Variants in OSBPL9 observed in about 807,000 individuals in gnomAD.
The protein encoded by OSBPL9 is oxysterol binding protein like 9.
OSBPL9 carries 40 observed loss-of-function variants against 106.6 expected under a neutral mutation model. That is an observed-to-expected ratio of 0.38 (90% CI 0.29 to 0.49). The LOEUF (loss-of-function observed/expected upper bound fraction) is 0.49, where lower values mean the gene tolerates loss of function less well. Among genes scored for constraint, OSBPL9 ranks in the 20% least tolerant of loss-of-function variants. OSBPL9 has a pLI of 0.97. For synonymous variants in OSBPL9, 269 were observed against 295.4 expected (o/e 0.91, Z 0.92); for missense variants, 609 against 887.2 (o/e 0.69, Z 3.98).
intron 2 of OSBPL9, among the ~76,000 whole-genome samples, chr1:51,652,243 C>G (rs192274759): frequency 6.6e-6 from 1 of 152,146 alleles, no homozygotes; most frequent in African/African-American, 2.4e-5. Flanking sequence ...TATTTTGGCC[C>G]ATGATTCAAT....
chr1:51,707,381 C>T (rs761428259), intron 3 of OSBPL9: 42 of 177,352 alleles, frequency 2.4e-4, no homozygotes, highest in South Asian at 5.7e-4. Flanking sequence ...TTAATGTCAT[C>T]GTATTTGGCA....
At chr1:51,596,951 C>T (rs1270011317) in intron 1 of OSBPL9, among the ~76,000 whole-genome samples, 3 of 152,082 alleles carry the variant, frequency 2.0e-5, no homozygotes, top group Non-Finnish European at 4.4e-5. Context: ...TAAAACAAGG[C>T]AATGACTTAG....
intron 1 of OSBPL9, among the ~76,000 whole-genome samples, chr1:51,621,181 G>A (rs1644409249): frequency 6.6e-6 from 1 of 152,178 alleles, no homozygotes. Flanking sequence ...TTTTAGAGCA[G>A]ATCCCAGATT....
the OSBPL9 span, among the ~76,000 whole-genome samples, chr1:51,551,108 G>A: frequency 6.6e-6 from 1 of 152,170 alleles, no homozygotes; most frequent in Non-Finnish European, 1.5e-5. Context: ...AGCAAAGGGA[G>A]CGGGATGGAA....
At chr1:51,546,499 C>T in the OSBPL9 span, among the ~76,000 whole-genome samples, 2 of 151,822 alleles carry the variant, frequency 1.3e-5, no homozygotes, top group Non-Finnish European at 2.9e-5. Context: ...AGATCGAGAC[C>T]ATCCTGGCTA....
rs1390843307 is a variant in OSBPL9 at position 51,788,900 on chromosome 1, T to C, written c.*1111T>C. On this transcript the variant is annotated 3_prime_UTR_variant, in exon 24 of 24. Coordinates refer to ENST00000428468, the MANE Select transcript of OSBPL9 (RefSeq NM_024586.6). ...AATACATTAAAAAAACAGGTATTAG[T>C]ACCTAGCATTTAGTTAGTTATTCAA... Among the ~76,000 whole-genome samples, 2 of 141,434 alleles carry C rather than the reference T, an allele frequency of 1.4e-5. No individual in the cohort carries two copies. Among genetic ancestry groups the C allele is most frequent in the African/African-American group, 5.9e-5 (2 of 33,622 alleles). The allele number at this position is 141,434 out of a possible 152,430, so 92.8% of individuals were successfully genotyped here. A position where few individuals can be genotyped will look rare whatever the true frequency, so the allele number is the denominator to read the frequency against.
chr1:51,708,909 T>G (rs1326598966), intron 3 of OSBPL9, among the ~76,000 whole-genome samples: 4 of 152,228 alleles, frequency 2.6e-5, no homozygotes, highest in African/African-American at 9.6e-5. Flanking sequence ...CCATTTTCCC[T>G]TTTCCAATCT....
chr1:51,563,393 A>G, the OSBPL9 span, among the ~76,000 whole-genome samples: 390 of 152,254 alleles, frequency 2.6e-3, 1 homozygote, highest in Non-Finnish European at 4.3e-3. Context: ...GACAAACTCC[A>G]GGCCCAGGGC....
intron 1 of OSBPL9, chr1:51,594,905 TG>T (rs1344820046): frequency 6.6e-6 from 1 of 152,314 alleles, no homozygotes; most frequent in Non-Finnish European, 1.5e-5. Context: ...GACCCAGCGC[TG>T]GGCGCACGTT....
chr1:51,771,225 T>C (rs1356579389), intron 12 of OSBPL9, among the ~76,000 whole-genome samples: 1 of 152,256 alleles, frequency 6.6e-6, no homozygotes, highest in Non-Finnish European at 1.5e-5. Flanking sequence ...TGTAGAGTTG[T>C]AATAAGACTC....
rs1571827573 is a variant in OSBPL9, at chr1:51,789,100, A to C, written c.*1311A>C. 1 of 831,682 alleles carries C rather than the reference A, an allele frequency of 1.2e-6. No individual in the cohort carries two copies. Among genetic ancestry groups the C allele is most frequent in the East Asian group, 2.6e-5 (1 of 37,936 alleles). 51.5% of individuals were successfully genotyped at this position (831,682 alleles called of 1,614,324 possible). A position where few individuals can be genotyped will look rare whatever the true frequency, so the allele number is the denominator to read the frequency against. On this transcript the variant is annotated 3_prime_UTR_variant, in exon 24 of 24. Transcript: ENST00000428468. The stretch of plus-strand genomic sequence containing the variant: ...TTTATTAGTCTCAACAAAGGATAAA[A>C]AGTAAATCAAATGCTATGATGCCAG...
At chr1:51,551,432 C>A in the OSBPL9 span, among the ~76,000 whole-genome samples, 1 of 152,040 alleles carries the variant, frequency 6.6e-6, no homozygotes, top group Non-Finnish European at 1.5e-5. Flanking sequence ...TTTCTTTTTT[C>A]AATTTCTTCA....
intron 2 of OSBPL9, among the ~76,000 whole-genome samples, chr1:51,663,254 A>G (rs973006165): frequency 6.6e-6 from 1 of 151,984 alleles, no homozygotes; most frequent in African/African-American, 2.4e-5. Context: ...AGACTGGCAA[A>G]TCCCAGTTTA....
At chr1:51,597,521 A>G (rs1436493066) in intron 1 of OSBPL9, among the ~76,000 whole-genome samples, 2 of 151,824 alleles carry the variant, frequency 1.3e-5, no homozygotes, top group Admixed American at 1.3e-4. Context: ...ACATATATAT[A>G]TACACACAAT....
At chr1:51,676,614 G>A (rs1027711091) in intron 3 of OSBPL9, among the ~76,000 whole-genome samples, 13 of 146,396 alleles carry the variant, frequency 8.9e-5, no homozygotes, top group Non-Finnish European at 1.8e-4. Flanking sequence ...AGCCGAGATC[G>A]CGCCACTGCA....
At chr1:51,608,310 T>C (rs546817283) in intron 2 of OSBPL9, among the ~76,000 whole-genome samples, 254 of 152,252 alleles carry the variant, frequency 1.7e-3, no homozygotes, top group Non-Finnish European at 3.0e-3. Flanking sequence ...AATTATTTTT[T>C]GAGACGGAGT....
At chr1:51,766,972 A>G (rs899269109) in intron 12 of OSBPL9, among the ~76,000 whole-genome samples, 2 of 151,842 alleles carry the variant, frequency 1.3e-5, no homozygotes, top group Admixed American at 6.6e-5. Context: ...CCAGCTACTC[A>G]GGAGGCTGAG....
chr1:51,650,647 G>A (rs978623573), intron 1 of OSBPL9, among the ~76,000 whole-genome samples: 1 of 152,124 alleles, frequency 6.6e-6, no homozygotes, highest in African/African-American at 2.4e-5. Context: ...GACTTTGGAT[G>A]TAGGGCATCT....
chr1:51,639,317 T>C lies in OSBPL9; in HGVS notation c.112-12674T>C, dbSNP rs115715597. 2.3e-3 allele frequency among the ~76,000 whole-genome samples: 348 copies of C among 152,314 alleles called. 4 individuals are homozygous for C. Among genetic ancestry groups the C allele is most frequent in the African/African-American group, 8.2e-3 (340 of 41,568 alleles). Reference sequence around the variant, plus strand: ...TGTGCCAGTAGTAGATGGTCGAAGGTACAACACTGGCTATGTGTGCAACCT... The same window carrying C: ...TGTGCCAGTAGTAGATGGTCGAAGGCACAACACTGGCTATGTGTGCAACCT... On this transcript the variant is annotated intron_variant, in intron 1 of 23. Transcript: ENST00000428468.
Sources: gnomAD v4.1 joint callset for allele counts (sites outside exome capture counted in the v4.1 genomes callset) on GRCh38, gnomAD v4.1.1 for gene constraint, MANE v1.5 for transcripts, NCBI Gene and HGNC (gene_info 2026-07-23, HGNC 2026-07-21) for gene names.